ANO2: variants seen among roughly 807,000 people sequenced by gnomAD.
ANO2 encodes anoctamin 2.
Under a neutral mutation model 124.2 loss-of-function variants are expected in ANO2, and 101 were observed. The ratio of observed to expected loss-of-function variants is 0.81; its 90% confidence interval spans 0.69 to 0.96. The LOEUF is 0.96. ANO2 is among the 40% of genes least tolerant of loss of function. The probability of loss-of-function intolerance (pLI) is 0.00; values close to 1 mark genes in which losing one functional copy is unlikely to be tolerated. For missense variants in ANO2, 1,293 were observed against 1,274.5 expected (o/e 1.01, Z -0.22); for synonymous variants, 486 against 482.5 (o/e 1.01, Z -0.09).
At chr12:5,813,066 A>AAAAG in intron 7 of ANO2, among the ~76,000 whole-genome samples, 1 of 27,648 alleles carries the variant, frequency 3.6e-5, no homozygotes, top group African/African-American at 8.2e-5. Flanking sequence ...GAAGGAAGGA[A>AAAAG]GACGAAAGAG....
chr12:5,693,720 G>A (rs1012759156), intron 14 of ANO2, among the ~76,000 whole-genome samples: 7 of 152,058 alleles, frequency 4.6e-5, no homozygotes, highest in Non-Finnish European at 7.4e-5. Context: ...AGGCTGGTCC[G>A]GCCACACTGA....
At chr12:5,851,416 G>A (rs538295970) in intron 4 of ANO2, among the ~76,000 whole-genome samples, 11 of 152,116 alleles carry the variant, frequency 7.2e-5, no homozygotes, top group African/African-American at 1.4e-4. Flanking sequence ...GGCTGGGTGT[G>A]GTGGCTCACG....
At chr12:5,764,601 G>A (rs535900993) in intron 10 of ANO2, among the ~76,000 whole-genome samples, 7 of 152,322 alleles carry the variant, frequency 4.6e-5, no homozygotes, top group Admixed American at 1.3e-4. Flanking sequence ...TGTTGGGCAT[G>A]AGACATGCCC....
intron 3 of ANO2, among the ~76,000 whole-genome samples, chr12:5,917,764 T>C (rs986673512): frequency 6.6e-6 from 1 of 152,028 alleles, no homozygotes; most frequent in African/African-American, 2.4e-5. Flanking sequence ...AGACAGGTTT[T>C]CACCGTGTTG....
At chr12:5,920,749 C>T (rs929806549) in intron 3 of ANO2, among the ~76,000 whole-genome samples, 3 of 152,114 alleles carry the variant, frequency 2.0e-5, no homozygotes, top group Admixed American at 2.0e-4. Context: ...CGCCTATAGT[C>T]CCAGCTACTC....
intron 4 of ANO2, among the ~76,000 whole-genome samples, chr12:5,840,598 C>A (rs1251621314): frequency 6.6e-6 from 1 of 152,068 alleles, no homozygotes; most frequent in Admixed American, 6.6e-5. Flanking sequence ...AGGAAAAGGT[C>A]TAACAGTATA....
At chr12:5,631,456 C>T (rs978762191) in intron 16 of ANO2, among the ~76,000 whole-genome samples, 2 of 152,210 alleles carry the variant, frequency 1.3e-5, no homozygotes, top group African/African-American at 2.4e-5. Context: ...TGTGGAATGG[C>T]CCTGCTTGCT....
rs965627920 is a variant in ANO2, at chr12:5,919,738, C to T, written c.534+1302G>A. Among the ~76,000 whole-genome samples, 8 of 151,422 alleles carry T rather than the reference C, an allele frequency of 5.3e-5. 1 individual carries two copies. The highest frequency in any genetic ancestry group is 3.9e-4 in the Admixed American group (6 of 15,224). On this transcript the variant is annotated intron_variant, in intron 3 of 24. Coordinates refer to ENST00000682330, the MANE Select transcript of ANO2 (RefSeq NM_001364791.2). The stretch of plus-strand genomic sequence containing the variant: ...TTTGAGACGGAGTCTCGCTCTGTCA[C>T]GCAGGCTGGAGTGCAGTGGCGCGAT...
rs1943826985 is a variant in ANO2, at chr12:5,599,526, A to T, written c.2191T>A (p.Leu731Met). The T allele has an allele frequency of 6.2e-7, 1 of 1,613,560 alleles. No individual in the cohort carries two copies. Among genetic ancestry groups the T allele is most frequent in the Non-Finnish European group, 8.5e-7 (1 of 1,179,812 alleles). Residue 731 changes from leucine to methionine, a missense_variant, in exon 20 of 25, where the codon TTG becomes ATG. Transcript: ENST00000682330. ...HPEQWDLDYS[L>M]EPYTGLTPEY... ...GGAGTCAGTCCTGTGTATGGTTCCA[A>T]GCTGTAGTCTAGGTCCCACTGCTCT...
intron 24 of ANO2, 76 bp downstream of exon 24, chr12:5,565,482 G>A: frequency 7.9e-7 from 1 of 1,266,724 alleles, no homozygotes; most frequent in Admixed American, 2.3e-5. Flanking sequence ...CTGGAGGTAG[G>A]TGCAAGCAAT....
At chr12:5,581,498 G>T (rs565271523) in intron 20 of ANO2, among the ~76,000 whole-genome samples, 5 of 152,222 alleles carry the variant, frequency 3.3e-5, no homozygotes, top group Admixed American at 6.5e-5. Context: ...CTCTTCATTT[G>T]AACTCCAGAG....
intron 15 of ANO2, among the ~76,000 whole-genome samples, chr12:5,644,188 G>T (rs1180220816): frequency 1.3e-5 from 2 of 152,084 alleles, no homozygotes; most frequent in African/African-American, 4.8e-5. Flanking sequence ...ACCTAAAATT[G>T]ATGTTTTTGA....
At chr12:5,705,468 G>C (rs765460812) in intron 14 of ANO2, among the ~76,000 whole-genome samples, 2 of 152,148 alleles carry the variant, frequency 1.3e-5, no homozygotes, top group South Asian at 2.1e-4. Flanking sequence ...AGGATCACGT[G>C]AATCTATCCA....
In ANO2 at chr12:5,801,905, G is replaced by C. The variant is rs1163782050; in HGVS notation, c.991-2334C>G. Among the ~76,000 whole-genome samples, 3 of 152,118 alleles carry C rather than the reference G, an allele frequency of 2.0e-5. No individual in the cohort carries two copies. The East Asian group carries it at 5.8e-4, about 29-fold the overall frequency. ...TCCCTCCCCTGAGTGCAAACCCTGG[G>C]CTCTCCAACACCTGGTTGTCATAGT... is the stretch of plus-strand genomic sequence containing the variant. On this transcript the variant is annotated intron_variant, in intron 9 of 24. Transcript: ENST00000682330.
At chr12:5,891,080 C>A (rs1233268459) in intron 3 of ANO2, among the ~76,000 whole-genome samples, 1 of 152,008 alleles carries the variant, frequency 6.6e-6, no homozygotes, top group Non-Finnish European at 1.5e-5. Context: ...ACACATTTCT[C>A]TTCAGACACG....
At chr12:5,698,024 T>C (rs376101481) in intron 14 of ANO2, among the ~76,000 whole-genome samples, 21 of 152,338 alleles carry the variant, frequency 1.4e-4, no homozygotes, top group African/African-American at 4.6e-4. Context: ...ACTCCACCTC[T>C]GGGGGCAGGG....
chr12:5,770,925 C>A (rs920720171), intron 10 of ANO2, among the ~76,000 whole-genome samples: 2 of 152,154 alleles, frequency 1.3e-5, no homozygotes, highest in African/African-American at 4.8e-5. Flanking sequence ...CCCCTACCTC[C>A]TCCATCTGCT....
intron 14 of ANO2, among the ~76,000 whole-genome samples, chr12:5,706,386 C>T (rs747948851): frequency 7.2e-5 from 11 of 152,194 alleles, no homozygotes; most frequent in East Asian, 1.9e-4. Flanking sequence ...TCACACTGGA[C>T]GCCTGACTGC....
In ANO2 at chr12:5,636,605, TAC is replaced by T. The variant is rs61059041; in HGVS notation, c.1621-1260_1621-1259del. Among the ~76,000 whole-genome samples the T allele has an allele frequency of 0.27, 31,957 of 118,242 alleles. 3,936 individuals are homozygous for T. Among genetic ancestry groups the T allele is most frequent in the African/African-American group, 0.32 (9,801 of 30,670 alleles). The allele number at this position is 118,242 out of a possible 152,430, so 77.6% of individuals were successfully genotyped here. On this transcript the variant is annotated intron_variant, in intron 15 of 24. Transcript: ENST00000682330. This position sits in a 1 kb window ranked among gnomAD's most constrained non-coding sequence, Gnocchi z 4.6. ...CCTGAAAAAATAAGCTGTGCTGGACTACACACACACACACACACACACACACA... is the reference window on the plus strand; with the variant it reads ...CCTGAAAAAATAAGCTGTGCTGGACTACACACACACACACACACACACACA...
Sources: gnomAD v4.1 joint callset for allele counts (sites outside exome capture counted in the v4.1 genomes callset) on GRCh38, gnomAD v4.1.1 for gene constraint, Gnocchi (gnomAD v3.1) non-coding constraint, MANE v1.5 for transcripts, NCBI Gene and HGNC (gene_info 2026-07-23, HGNC 2026-07-21) for gene names.